ABCA4: variants seen among roughly 807,000 people sequenced by gnomAD.
ABCA4 encodes ATP binding cassette subfamily A member 4, also known as retinal-specific phospholipid-transporting ATPase ABCA4.
Under a neutral mutation model 263.7 loss-of-function variants are expected in ABCA4, and 196 were observed. That is an observed-to-expected ratio of 0.74 (90% CI 0.66 to 0.84). The LOEUF (loss-of-function observed/expected upper bound fraction) is 0.84. Among genes scored for constraint, ABCA4 ranks in the 40% least tolerant of loss-of-function variants. The pLI is 0.00. For missense variants in ABCA4, 2,792 were observed against 2,855.1 expected (o/e 0.98, Z 0.50); for synonymous variants, 1,133 against 1,094.2 (o/e 1.04, Z -0.70).
At chr1:94,074,482 G>A (rs1464127456) in intron 11 of ABCA4, among the ~76,000 whole-genome samples, 1 of 152,312 alleles carries the variant, frequency 6.6e-6, no homozygotes, top group African/African-American at 2.4e-5. Flanking sequence ...AACACCAAAA[G>A]CAATTGCAAC....
chr1:94,033,814 G>C (rs1280297888), intron 26 of ABCA4, among the ~76,000 whole-genome samples: 1 of 152,156 alleles, frequency 6.6e-6, no homozygotes, highest in Non-Finnish European at 1.5e-5. Flanking sequence ...GGTTCTCGGT[G>C]CCAGAGCCCC....
intron 6 of ABCA4, among the ~76,000 whole-genome samples, chr1:94,098,463 C>T (rs950920398): frequency 3.9e-5 from 6 of 152,170 alleles, no homozygotes; most frequent in African/African-American, 9.7e-5. Context: ...GATCACCTGG[C>T]TAGGAAATAG....
At chr1:94,030,815 G>A (rs1333942586) in intron 28 of ABCA4, among the ~76,000 whole-genome samples, 181 bp downstream of exon 28, 1 of 152,114 alleles carries the variant, frequency 6.6e-6, no homozygotes, top group Non-Finnish European at 1.5e-5. Context: ...TGTCCACTAG[G>A]ATCGCCTTTC....
At chr1:94,004,301 T>G (rs1193946934) in intron 44 of ABCA4, among the ~76,000 whole-genome samples, 1 of 152,238 alleles carries the variant, frequency 6.6e-6, no homozygotes, top group Non-Finnish European at 1.5e-5. Context: ...AGTTCTTTCT[T>G]GCTTTTCCCT....
chr1:94,044,697 A>T lies in ABCA4; in HGVS notation c.2966T>A (p.Val989Asp). Reference sequence around the variant, plus strand: ...GCTGGTTTCAATGTCCCTTCCCCCAACGAGCACAGTCCCAGAGGTTGGTGG... The same window carrying T: ...GCTGGTTTCAATGTCCCTTCCCCCATCGAGCACAGTCCCAGAGGTTGGTGG... ...LLPPTSGTVL[V>D]GGRDIETSLD... Residue 989 changes from valine (V) to aspartate (D), a missense_variant, in exon 20 of 50, where the codon GTT becomes GAT. Physicochemically the swap from Val to Asp is radical, Grantham distance 152 (BLOSUM62 -3). Coordinates refer to ENST00000370225, the MANE Select transcript of ABCA4 (RefSeq NM_000350.3). 1 of 1,614,202 alleles carries T rather than the reference A, an allele frequency of 6.2e-7. No homozygotes were observed. The highest frequency in any genetic ancestry group is 8.5e-7 in the Non-Finnish European group (1 of 1,180,034).
At chr1:94,019,459 A>T (rs1282432864) in intron 36 of ABCA4, 123 bp downstream of exon 36, 4 of 1,133,704 alleles carry the variant, frequency 3.5e-6, no homozygotes, top group Non-Finnish European at 5.0e-6. Context: ...CCCTTGGCCC[A>T]GTGCCTTTCA....
intron 4 of ABCA4, among the ~76,000 whole-genome samples, chr1:94,105,344 C>T (rs1662402124): frequency 1.3e-5 from 2 of 152,106 alleles, no homozygotes; most frequent in Admixed American, 1.3e-4. Context: ...AGGGGCAAAA[C>T]AAGAAAAGCT....
rs1016124280 is a variant in ABCA4, at chr1:94,062,426, C to T, written c.1937+151G>A. On this transcript the variant is annotated intron_variant, in intron 13 of 49. Transcript: ENST00000370225. ...TGGAGCTTGGGAGAAGCAGGTTCCT[C>T]AGTCAGAGCTCCATGCTCTCCAATT... 4 of 853,040 alleles carry T rather than the reference C, an allele frequency of 4.7e-6. No individual in the cohort carries two copies. In the South Asian group the frequency reaches 6.7e-5, roughly 14 times the overall value. 52.8% of individuals were successfully genotyped at this position (853,040 alleles called of 1,614,324 possible).
At chr1:94,017,305 C>T (rs1659769635) in intron 36 of ABCA4, among the ~76,000 whole-genome samples, 1 of 152,068 alleles carries the variant, frequency 6.6e-6, no homozygotes. Flanking sequence ...AATCAGAAGC[C>T]ACCTGATAGG....
In ABCA4 at chr1:93,996,187, T is replaced by G. The variant is rs1557756847; in HGVS notation, c.6738A>C (p.Val2246=). 6.2e-7 allele frequency: 1 copy of G among 1,612,994 alleles called. No homozygotes were observed. Among genetic ancestry groups the G allele is most frequent in the Admixed American group, 1.7e-5 (1 of 60,008 alleles). The change falls in exon 49 of 50, where the codon GTA becomes GTC. Residue 2246 remains valine, a synonymous_variant. Transcript: ENST00000370225. Reference sequence around the variant, plus strand: ...TTTCAGTCTGCTGTTTAGCAAAATTTACAAACACCTAGAGGTAAGAGAAGA... The same window carrying G: ...TTTCAGTCTGCTGTTTAGCAAAATTGACAAACACCTAGAGGTAAGAGAAGA... The part of the protein sequence containing the change: ...VTQTTLDQVF[V]NFAKQQTESH...
At chr1:94,101,637 G>T (rs566635776) in intron 5 of ABCA4, among the ~76,000 whole-genome samples, 1 of 152,192 alleles carries the variant, frequency 6.6e-6, no homozygotes, top group African/African-American at 2.4e-5. Flanking sequence ...GTTAACACAG[G>T]CTCTGAAGTT....
chr1:94,024,033 C>T (rs1659972021), intron 31 of ABCA4, among the ~76,000 whole-genome samples: 1 of 152,194 alleles, frequency 6.6e-6, no homozygotes, highest in Non-Finnish European at 1.5e-5. Flanking sequence ...GGGATGGTTG[C>T]TGTTTATTGC....
At chr1:93,995,443 C>T (rs984321078) in intron 49 of ABCA4, among the ~76,000 whole-genome samples, 1 of 152,204 alleles carries the variant, frequency 6.6e-6, no homozygotes, top group Admixed American at 6.5e-5. Context: ...GGTGCCTCCT[C>T]CAGTACTTGC....
At chr1:94,113,581 C>T (rs944331925) in intron 1 of ABCA4, among the ~76,000 whole-genome samples, 3 of 152,252 alleles carry the variant, frequency 2.0e-5, no homozygotes, top group Admixed American at 6.5e-5. Flanking sequence ...AATCCAGCCT[C>T]CTGTTTCTGG....
chr1:94,075,294 A>G (rs527862782), intron 11 of ABCA4, among the ~76,000 whole-genome samples: 1 of 152,330 alleles, frequency 6.6e-6, no homozygotes, highest in Admixed American at 6.5e-5. Context: ...ACAAACCTAC[A>G]CATTCTGCAC....
At chr1:94,116,146 C>T (rs1662752025) in intron 1 of ABCA4, among the ~76,000 whole-genome samples, 1 of 152,222 alleles carries the variant, frequency 6.6e-6, no homozygotes, top group African/African-American at 2.4e-5. Context: ...ACTTAAAGGC[C>T]TCCTCTCAGG....
chr1:94,037,372 A>C (rs569508296), intron 24 of ABCA4, 22 bp from the exon 25 acceptor site: 1 of 1,608,660 alleles, frequency 6.2e-7, no homozygotes. Flanking sequence ...AAAAAGACTG[A>C]TGCCAGCTCT....
intron 22 of ABCA4, 111 bp from the exon 23 acceptor site, chr1:94,041,513 T>TA (rs4147891): frequency 7.3e-3 from 6,062 of 825,424 alleles, no homozygotes; most frequent in Non-Finnish European, 8.8e-3. Context: ...AGGAGTTAAC[T>TA]AAAAAAAAAA....
intron 5 of ABCA4, among the ~76,000 whole-genome samples, chr1:94,100,504 G>A (rs1317665921): frequency 6.6e-6 from 1 of 152,186 alleles, no homozygotes; most frequent in East Asian, 1.9e-4. Flanking sequence ...ACCATCACCT[G>A]TTAACTCTCC....
Sources: allele counts gnomAD v4.1 joint callset (sites outside exome capture counted in the v4.1 genomes callset), GRCh38; gene constraint gnomAD v4.1.1; transcripts MANE v1.5; gene names NCBI Gene and HGNC (gene_info 2026-07-23, HGNC 2026-07-21).